The following CNOT10 variants were observed in gnomAD, a reference collection of about 807,000 sequenced individuals.
The protein encoded by CNOT10 is CCR4-NOT transcription complex subunit 10, also known as CCR4-NOT transcription complex, subunit 10.
Under a neutral mutation model 94.6 loss-of-function variants are expected in CNOT10, and 30 were observed. The observed-to-expected ratio is 0.32, with a 90% CI of 0.24 to 0.43. The LOEUF (loss-of-function observed/expected upper bound fraction) is 0.43, where lower values mean the gene tolerates loss of function less well. Ranked by LOEUF, CNOT10 falls within the 20% of genes least tolerant of loss-of-function variation. The pLI is 1.00. For missense variants in CNOT10, 759 were observed against 877.2 expected (o/e 0.87, Z 1.70); for synonymous variants, 289 against 301.6 (o/e 0.96, Z 0.43).
chr3:32,701,970 T>G (rs929050670), intron 1 of CNOT10, among the ~76,000 whole-genome samples: 18 of 152,020 alleles, frequency 1.2e-4, no homozygotes, highest in African/African-American at 4.4e-4. Flanking sequence ...TTTTTTTATT[T>G]TTTATTTTTA....
chr3:32,771,172 C>T (rs993046869), intron 18 of CNOT10, among the ~76,000 whole-genome samples: 6 of 151,864 alleles, frequency 4.0e-5, no homozygotes, highest in Admixed American at 3.3e-4. Flanking sequence ...ACAAAAAATA[C>T]AAAAATTAGC....
At chr3:32,754,086 G>A (rs148980724) in intron 13 of CNOT10, among the ~76,000 whole-genome samples, 2 of 150,260 alleles carry the variant, frequency 1.3e-5, no homozygotes, top group South Asian at 4.2e-4. Flanking sequence ...GGCAACAAGA[G>A]CAAAAAACTC....
At chr3:32,717,049 A>G (rs1407541629) in intron 6 of CNOT10, 105 bp from the exon 7 acceptor site, 2 of 588,932 alleles carry the variant, frequency 3.4e-6, no homozygotes, top group African/African-American at 3.8e-5. Context: ...TTAGCAAGTA[A>G]TTAGTGTAAC....
At chr3:32,765,008 C>A (rs1313443621) in intron 17 of CNOT10, 199 bp downstream of exon 17, 2 of 1,504,084 alleles carry the variant, frequency 1.3e-6, no homozygotes, top group African/African-American at 1.4e-5. Flanking sequence ...AAGGAAAGTT[C>A]TTCTTGATGA....
chr3:32,754,456 G>A (rs1456809764), intron 13 of CNOT10, among the ~76,000 whole-genome samples: 6 of 95,192 alleles, frequency 6.3e-5, no homozygotes, highest in Admixed American at 2.7e-4. Context: ...CAGCCTGGGC[G>A]ACAGAGCAAG....
rs11928802 is a variant in CNOT10, at chr3:32,766,529, C to T, written c.2004+1720C>T. Reference sequence around the variant, plus strand: ...GTGCCTGTAGTCCCAGCTACTCGGGCGGCTGAGGCAGGAGAATGGCATGAA... The same window carrying T: ...GTGCCTGTAGTCCCAGCTACTCGGGTGGCTGAGGCAGGAGAATGGCATGAA... On this transcript the variant is annotated intron_variant, in intron 17 of 18. Coordinates refer to ENST00000328834, the MANE Select transcript of CNOT10 (RefSeq NM_015442.3). Among the ~76,000 whole-genome samples, 18 of 14,960 alleles carry T rather than the reference C, an allele frequency of 1.2e-3. 8 individuals carry two copies. The East Asian group carries it at 0.034, about 28-fold the overall frequency. 9.8% of individuals were successfully genotyped at this position (14,960 alleles called of 152,430 possible).
chr3:32,767,758 G>A (rs1196802985), intron 17 of CNOT10, among the ~76,000 whole-genome samples: 1 of 152,120 alleles, frequency 6.6e-6, no homozygotes, highest in Non-Finnish European at 1.5e-5. Flanking sequence ...AGTTAAACCA[G>A]TAAGAGTTAA....
At chr3:32,692,635 A>G (rs536017014) in intron 1 of CNOT10, among the ~76,000 whole-genome samples, 24 of 152,242 alleles carry the variant, frequency 1.6e-4, no homozygotes, top group African/African-American at 5.8e-4. Flanking sequence ...CATTTCGTAA[A>G]TATCCACTGT....
At chr3:32,714,595 A>G (rs1347725602) in intron 5 of CNOT10, among the ~76,000 whole-genome samples, 1 of 152,058 alleles carries the variant, frequency 6.6e-6, no homozygotes, top group East Asian at 1.9e-4. Flanking sequence ...TGTAATTCCA[A>G]CTACTCAGGA....
In CNOT10 at chr3:32,701,031, T is replaced by G. The variant is rs1289804857; in HGVS notation, c.23-2837T>G. ...GCTCACACCTGTAATCCTAGCACTT[T>G]GGGAGGCTGAGGCCAGCAGTCACCT... On this transcript the variant is annotated intron_variant, in intron 1 of 18. Transcript: ENST00000328834. Among the ~76,000 whole-genome samples the G allele has an allele frequency of 2.0e-5, 3 of 152,166 alleles. No homozygotes were observed. In the East Asian group the frequency reaches 5.8e-4, roughly 29 times the overall value.
intron 13 of CNOT10, among the ~76,000 whole-genome samples, chr3:32,740,730 C>T (rs1220940086): frequency 1.3e-5 from 2 of 152,040 alleles, no homozygotes; most frequent in African/African-American, 2.4e-5. Flanking sequence ...GGCGTGGTGG[C>T]GGGCGCCTGT....
At chr3:32,745,467 G>GGA (rs1699652467) in intron 13 of CNOT10, among the ~76,000 whole-genome samples, 1 of 2,082 alleles carries the variant, frequency 4.8e-4, no homozygotes, top group African/African-American at 7.0e-4. Context: ...ATTCAATTAA[G>GGA]GATTGAATAA....
intron 15 of CNOT10, 176 bp from the exon 16 acceptor site, chr3:32,764,279 G>A (rs1351594363): frequency 4.1e-5 from 24 of 582,076 alleles, no homozygotes; most frequent in East Asian, 9.1e-5. Flanking sequence ...GGAGGTTGCA[G>A]TGAGCCGAGA....
intron 13 of CNOT10, among the ~76,000 whole-genome samples, chr3:32,748,017 T>A (rs1699782742): frequency 6.6e-6 from 1 of 152,192 alleles, no homozygotes; most frequent in Non-Finnish European, 1.5e-5. Flanking sequence ...TTTTTATTTT[T>A]TGTAGAGCCA....
chr3:32,702,938 G>T (rs1697426858), intron 1 of CNOT10, among the ~76,000 whole-genome samples: 1 of 149,200 alleles, frequency 6.7e-6, no homozygotes, highest in Non-Finnish European at 1.5e-5. Context: ...TTGAGACGGA[G>T]TCCTACTCTG....
chr3:32,717,995 C>T (rs1224219970), intron 7 of CNOT10, among the ~76,000 whole-genome samples: 1 of 152,124 alleles, frequency 6.6e-6, no homozygotes, highest in Non-Finnish European at 1.5e-5. Flanking sequence ...TTACTTCTTC[C>T]TTCCACTCCC....
At chr3:32,739,581 G>A (rs916315076) in intron 13 of CNOT10, among the ~76,000 whole-genome samples, 3 of 151,960 alleles carry the variant, frequency 2.0e-5, no homozygotes, top group Non-Finnish European at 4.4e-5. Context: ...AGTCTAAAAA[G>A]TAATACAGAT....
intron 13 of CNOT10, among the ~76,000 whole-genome samples, chr3:32,752,243 C>G (rs946436654): frequency 6.6e-6 from 1 of 151,766 alleles, no homozygotes; most frequent in African/African-American, 2.4e-5. Flanking sequence ...GAGCCGAGAT[C>G]ACGCCATTGT....
intron 8 of CNOT10, among the ~76,000 whole-genome samples, chr3:32,724,412 ATTT>A (rs756450071): frequency 3.7e-5 from 4 of 108,134 alleles, no homozygotes; most frequent in East Asian, 2.6e-4. Context: ...CGCCCGGCTA[ATTT>A]TTTTTTTTTT....
Sources: allele counts gnomAD v4.1 joint callset (sites outside exome capture counted in the v4.1 genomes callset), GRCh38; gene constraint gnomAD v4.1.1; transcripts MANE v1.5; gene names NCBI Gene and HGNC (gene_info 2026-07-23, HGNC 2026-07-21).